The following COL24A1 variants were observed in gnomAD, a reference collection of about 807,000 sequenced individuals.
The protein encoded by COL24A1 is collagen alpha-1(XXIV) chain.
A neutral mutation model predicts 253.9 loss-of-function variants in COL24A1; 224 were observed. That is an observed-to-expected ratio of 0.88 (90% CI 0.79 to 0.99). The LOEUF (loss-of-function observed/expected upper bound fraction) is 0.99, where lower values mean the gene tolerates loss of function less well. COL24A1 is among the 50% of genes least tolerant of loss of function. The pLI, the probability that COL24A1 is intolerant of heterozygous loss-of-function variation, is 0.00. For synonymous variants in COL24A1, 685 were observed against 673.7 expected (o/e 1.02, Z -0.26); for missense variants, 2,131 against 2,068.5 (o/e 1.03, Z -0.59).
chr1:85,804,495 T>G (rs902662254), intron 47 of COL24A1, among the ~76,000 whole-genome samples: 16 of 152,146 alleles, frequency 1.1e-4, no homozygotes, highest in African/African-American at 3.1e-4. Flanking sequence ...TAAACACACC[T>G]GAGACTGGGC....
chr1:85,882,756 C>T (rs1377390774), intron 32 of COL24A1, among the ~76,000 whole-genome samples: 1 of 152,106 alleles, frequency 6.6e-6, no homozygotes, highest in Admixed American at 6.6e-5. Flanking sequence ...TGAAAATTAT[C>T]TCAGCATTTG....
At chr1:86,136,057 C>T (rs1448840771) in intron 2 of COL24A1, among the ~76,000 whole-genome samples, 1 of 151,990 alleles carries the variant, frequency 6.6e-6, no homozygotes, top group Admixed American at 6.6e-5. Context: ...CAAATCTAGT[C>T]CAGGAGGACT....
intron 12 of COL24A1, among the ~76,000 whole-genome samples, chr1:86,034,849 G>A (rs1033724617): frequency 1.3e-5 from 2 of 151,830 alleles, no homozygotes; most frequent in African/African-American, 4.8e-5. Context: ...CAACTTTAAA[G>A]CTCACTTTTT....
intron 43 of COL24A1, among the ~76,000 whole-genome samples, chr1:85,835,201 C>A (rs1675860753): frequency 1.5e-5 from 1 of 65,762 alleles, no homozygotes; most frequent in South Asian, 4.1e-4. Flanking sequence ...CTCACTGCAA[C>A]CTCTGCCTCT....
Position 85,932,327 on chromosome 1 carries a change from C to T in COL24A1, c.2563-20894G>A, listed in dbSNP as rs1277867703. Among the ~76,000 whole-genome samples, 3 of 72,250 alleles carry T rather than the reference C, an allele frequency of 4.2e-5. 1 individual carries two copies. The highest frequency in any genetic ancestry group is 9.8e-5 in the African/African-American group (2 of 20,406). The allele number at this position is 72,250 out of a possible 152,430, so 47.4% of individuals were successfully genotyped here. A position where few individuals can be genotyped will look rare whatever the true frequency, so the allele number is the denominator to read the frequency against. On this transcript the variant is annotated intron_variant, in intron 24 of 59. Transcript: ENST00000370571. ...AAGACATTTATGCAACCAAAAAACA[C>T]GTGAAGAAATGCTCATCATCACTGG...
At chr1:86,135,835 C>T (rs1334898156) in intron 2 of COL24A1, among the ~76,000 whole-genome samples, 1 of 151,904 alleles carries the variant, frequency 6.6e-6, no homozygotes, top group Non-Finnish European at 1.5e-5. Flanking sequence ...CTCATTTTTG[C>T]TGCTTTTCCT....
intron 14 of COL24A1, among the ~76,000 whole-genome samples, chr1:86,027,043 T>G (rs116164122): frequency 2.4e-4 from 37 of 152,280 alleles, no homozygotes; most frequent in African/African-American, 7.5e-4. Context: ...TTAGGATATC[T>G]GGCGGAAGAA....
chr1:86,112,606 T>C lies in COL24A1; in HGVS notation c.1560A>G (p.Pro520=), dbSNP rs559250221. The change falls in exon 5 of 60, where the codon CCA becomes CCG. Residue 520 remains proline, a synonymous_variant. Coordinates refer to ENST00000370571, the MANE Select transcript of COL24A1 (RefSeq NM_152890.7). ...GKRGPRGIPG[P]HGNPGLPGLP... ...ATCCAGGTAAACCAGGATTTCCATGTGGCCCTGGTATGCCCTGCAAGTAAC... is the reference window on the plus strand; with the variant it reads ...ATCCAGGTAAACCAGGATTTCCATGCGGCCCTGGTATGCCCTGCAAGTAAC... 2 of 1,613,498 alleles carry C rather than the reference T, an allele frequency of 1.2e-6. No individual in the cohort carries two copies. Among genetic ancestry groups the C allele is most frequent in the Middle Eastern group, 1.7e-4 (1 of 6,060 alleles).
chr1:86,047,300 A>G (rs2101652200), intron 11 of COL24A1, among the ~76,000 whole-genome samples: 1 of 152,354 alleles, frequency 6.6e-6, no homozygotes, highest in Middle Eastern at 3.4e-3. Flanking sequence ...TTGCAATCAT[A>G]TAGGAAATAA....
intron 24 of COL24A1, among the ~76,000 whole-genome samples, chr1:85,948,950 T>C (rs1387187565): frequency 6.6e-6 from 1 of 152,022 alleles, no homozygotes; most frequent in Non-Finnish European, 1.5e-5. Flanking sequence ...GAATTGCCAA[T>C]TACTTAATCT....
intron 32 of COL24A1, among the ~76,000 whole-genome samples, chr1:85,878,276 C>T (rs1224003663): frequency 6.6e-6 from 1 of 152,190 alleles, no homozygotes; most frequent in Non-Finnish European, 1.5e-5. Flanking sequence ...TGAAGGCCCA[C>T]TTGCTGCTTC....
intron 7 of COL24A1, among the ~76,000 whole-genome samples, chr1:86,079,310 G>C (rs1371247616): frequency 1.3e-5 from 2 of 152,104 alleles, no homozygotes; most frequent in Non-Finnish European, 2.9e-5. Context: ...ATTCAAAATA[G>C]ATTAAAGACT....
intron 7 of COL24A1, among the ~76,000 whole-genome samples, chr1:86,067,072 G>A (rs1359567158): frequency 6.6e-6 from 1 of 151,954 alleles, no homozygotes; most frequent in Non-Finnish European, 1.5e-5. Context: ...CCAGGAGGCA[G>A]AGGTTGCAGT....
intron 47 of COL24A1, 132 bp from the exon 48 acceptor site, chr1:85,786,593 T>G: frequency 1.8e-6 from 1 of 541,504 alleles, no homozygotes; most frequent in Non-Finnish European, 3.0e-6. Flanking sequence ...TATCCTGGGC[T>G]TCTTTCCCAG....
At chr1:86,135,547 TTTGA>T (rs1423764358) in intron 2 of COL24A1, among the ~76,000 whole-genome samples, 1 of 151,994 alleles carries the variant, frequency 6.6e-6, no homozygotes, top group Non-Finnish European at 1.5e-5. Flanking sequence ...TTTTTGTTTG[TTTGA>T]TTTTCTTATT....
intron 24 of COL24A1, among the ~76,000 whole-genome samples, chr1:85,927,991 A>G (rs1477490065): frequency 1.5e-5 from 1 of 65,946 alleles, no homozygotes; most frequent in Non-Finnish European, 2.8e-5. Context: ...AAAAAACAGA[A>G]CAGAAAAACT....
At chr1:85,936,657 C>T (rs74097614) in intron 24 of COL24A1, among the ~76,000 whole-genome samples, 1 of 147,268 alleles carries the variant, frequency 6.8e-6, no homozygotes, top group African/African-American at 2.5e-5. Flanking sequence ...ACAGTGGGTC[C>T]AAGCTGTGAG....
At chr1:85,778,384 T>C (rs1316291990) in intron 52 of COL24A1, among the ~76,000 whole-genome samples, 1 of 152,140 alleles carries the variant, frequency 6.6e-6, no homozygotes, top group Non-Finnish European at 1.5e-5. Context: ...AATACAGCCG[T>C]GAACTACTGT....
Position 85,729,891 on chromosome 1 carries a change from G to A in COL24A1, c.*655C>T, listed in dbSNP as rs1663311874. On this transcript the variant is annotated 3_prime_UTR_variant, in exon 60 of 60. Coordinates refer to ENST00000370571, the MANE Select transcript of COL24A1 (RefSeq NM_152890.7). ...TAGTTTCACGTGTTATTAAGTGTGT[G>A]ACCAAACAAATTAAAATAAGTACTA... is the stretch of plus-strand genomic sequence containing the variant. 1 of 152,540 alleles carries A rather than the reference G, an allele frequency of 6.6e-6. No individual in the cohort carries two copies. Among genetic ancestry groups the A allele is most frequent in the African/African-American group, 2.4e-5 (1 of 41,450 alleles). The allele number at this position is 152,540 out of a possible 1,614,324, so 9.4% of individuals were successfully genotyped here.
Sources: allele counts gnomAD v4.1 joint callset (sites outside exome capture counted in the v4.1 genomes callset), GRCh38; gene constraint gnomAD v4.1.1; transcripts MANE v1.5; gene names NCBI Gene and HGNC (gene_info 2026-07-23, HGNC 2026-07-21).